The following LRRC7 variants were observed in gnomAD, a reference collection of about 807,000 sequenced individuals.
LRRC7 encodes the protein leucine-rich repeat-containing protein 7.
LRRC7 carries 23 observed loss-of-function variants against 175.7 expected under a neutral mutation model. The observed-to-expected ratio is 0.13, with a 90% CI of 0.09 to 0.19. The LOEUF (loss-of-function observed/expected upper bound fraction) is 0.19, where lower values mean the gene tolerates loss of function less well. Ranked by LOEUF, LRRC7 falls within the 10% of genes least tolerant of loss-of-function variation. The pLI, the probability that LRRC7 is intolerant of heterozygous loss-of-function variation, is 1.00. For synonymous variants in LRRC7, 685 were observed against 680.9 expected (o/e 1.01, Z -0.09); for missense variants, 1,354 against 1,904.7 (o/e 0.71, Z 5.38).
intron 7 of LRRC7, among the ~76,000 whole-genome samples, chr1:69,892,872 G>A (rs1645877191): frequency 6.6e-6 from 1 of 152,104 alleles, no homozygotes; most frequent in Non-Finnish European, 1.5e-5. Flanking sequence ...CAACTTGACT[G>A]TTTTGCCTAC....
intron 2 of LRRC7, among the ~76,000 whole-genome samples, chr1:69,717,632 G>A (rs1168407940): frequency 3.3e-5 from 5 of 151,192 alleles, no homozygotes; most frequent in Admixed American, 1.3e-4. Flanking sequence ...AGTTCAGTTG[G>A]GCCAACTTCA....
At chr1:69,577,651 G>A (rs761262533) in intron 1 of LRRC7, among the ~76,000 whole-genome samples, 1 of 152,020 alleles carries the variant, frequency 6.6e-6, no homozygotes, top group African/African-American at 2.4e-5. Flanking sequence ...TTTCCCCATT[G>A]CTTGTTTTTC....
chr1:69,928,014 C>A (rs897723726), intron 7 of LRRC7, among the ~76,000 whole-genome samples: 1 of 152,074 alleles, frequency 6.6e-6, no homozygotes, highest in African/African-American at 2.4e-5. Context: ...CTTTGTTTTC[C>A]TTCTACCAGA....
intron 2 of LRRC7, among the ~76,000 whole-genome samples, chr1:69,758,825 G>A (rs1345157034): frequency 1.3e-5 from 2 of 151,848 alleles, no homozygotes; most frequent in Non-Finnish European, 2.9e-5. Context: ...CTTAACATGA[G>A]CAATTTTAAA....
chr1:69,953,028 T>G (rs1388267357), intron 8 of LRRC7, among the ~76,000 whole-genome samples: 2 of 150,966 alleles, frequency 1.3e-5, no homozygotes, highest in African/African-American at 4.9e-5. Context: ...AAGTATATAT[T>G]GTCAAATGAG....
chr1:69,952,943 A>G (rs1224579536), intron 8 of LRRC7, among the ~76,000 whole-genome samples: 1 of 151,126 alleles, frequency 6.6e-6, no homozygotes, highest in Admixed American at 6.6e-5. Flanking sequence ...CTTATAAAGA[A>G]ATGTGAAGCC....
At chr1:69,908,052 G>T (rs1266407701) in intron 7 of LRRC7, among the ~76,000 whole-genome samples, 2 of 152,140 alleles carry the variant, frequency 1.3e-5, no homozygotes, top group African/African-American at 4.8e-5. Flanking sequence ...TTTGCATGGA[G>T]GTGTTTGTAG....
chr1:70,036,386 C>A, intron 19 of LRRC7, 58 bp from the exon 20 acceptor site: 1 of 1,520,482 alleles, frequency 6.6e-7, no homozygotes, highest in Non-Finnish European at 8.9e-7. Flanking sequence ...TTCATACTTG[C>A]TTTTCCGTGT....
rs1381449549 is a variant in LRRC7, at chr1:69,883,203, T to G, written c.647+44920T>G. 2.5e-3 allele frequency among the ~76,000 whole-genome samples: 376 copies of G among 151,436 alleles called. 1 individual carries two copies. The highest frequency in any genetic ancestry group is 4.3e-3 in the Non-Finnish European group (292 of 67,808). Reference sequence around the variant, plus strand: ...GGAATCACCACACTGACTTCCACAATGGTTGAACTAGTTTACAGTCCCACC... The same window carrying G: ...GGAATCACCACACTGACTTCCACAAGGGTTGAACTAGTTTACAGTCCCACC... On this transcript the variant is annotated intron_variant, in intron 7 of 26. Transcript: ENST00000651989.
chr1:70,042,424 T>C (rs1659988813), intron 21 of LRRC7, among the ~76,000 whole-genome samples: 1 of 152,238 alleles, frequency 6.6e-6, no homozygotes, highest in African/African-American at 2.4e-5. Flanking sequence ...ACAAGATCTC[T>C]GTCCATTCTA....
intron 7 of LRRC7, among the ~76,000 whole-genome samples, chr1:69,879,352 A>T (rs577063295): frequency 6.6e-6 from 1 of 152,226 alleles, no homozygotes; most frequent in East Asian, 1.9e-4. Flanking sequence ...GCCTAATGTC[A>T]TGACTGGCCT....
chr1:70,134,095 A>T lies in LRRC7; in HGVS notation c.*12208A>T, dbSNP rs1274183679. ...AAACGCCTAATTTTTCATTTTATTT[A>T]TGTGTATGAGTAATCAGCATAATAT... On this transcript the variant is annotated 3_prime_UTR_variant, in exon 27 of 27. Transcript: ENST00000651989. Among the ~76,000 whole-genome samples, 1 of 152,310 alleles carries T rather than the reference A, an allele frequency of 6.6e-6. No homozygotes were observed. The highest frequency in any genetic ancestry group is 1.5e-5 in the Non-Finnish European group (1 of 68,016).
At chr1:69,918,869 G>A (rs1646797225) in intron 7 of LRRC7, among the ~76,000 whole-genome samples, 3 of 152,124 alleles carry the variant, frequency 2.0e-5, no homozygotes, top group Admixed American at 2.0e-4. Context: ...AAACCCTATG[G>A]GACAGCTTTT....
chr1:69,622,898 T>C (rs1181011728), intron 1 of LRRC7, among the ~76,000 whole-genome samples: 1 of 152,162 alleles, frequency 6.6e-6, no homozygotes, highest in African/African-American at 2.4e-5. Context: ...ACCTGTCTAT[T>C]TGAGGTGGCT....
chr1:70,106,035 A>G (rs774805649), intron 25 of LRRC7, among the ~76,000 whole-genome samples: 2 of 152,188 alleles, frequency 1.3e-5, no homozygotes, highest in Non-Finnish European at 2.9e-5. Flanking sequence ...TATGAGCTTA[A>G]GTGAGTCATT....
At chr1:69,919,375 C>A in intron 7 of LRRC7, 1 of 616,246 alleles carries the variant, frequency 1.6e-6, no homozygotes, top group Admixed American at 2.7e-5. Context: ...CGAGGAGAAA[C>A]TGCCGCCTGG....
chr1:69,896,840 C>G (rs1379336989), intron 7 of LRRC7, among the ~76,000 whole-genome samples: 1 of 152,058 alleles, frequency 6.6e-6, no homozygotes. Flanking sequence ...TCCATGGACC[C>G]TTAGATGAAT....
At chr1:69,957,990 A>C (rs1650673957) in intron 8 of LRRC7, among the ~76,000 whole-genome samples, 1 of 151,978 alleles carries the variant, frequency 6.6e-6, no homozygotes, top group Admixed American at 6.6e-5. Flanking sequence ...ATGTATTTTC[A>C]ACATTTCAAA....
intron 1 of LRRC7, among the ~76,000 whole-genome samples, chr1:69,642,876 A>C (rs1654447573): frequency 1.3e-5 from 2 of 151,816 alleles, no homozygotes. Flanking sequence ...TGATTGGAAG[A>C]GATTTATTGT....
Sources: allele counts gnomAD v4.1 joint callset (sites outside exome capture counted in the v4.1 genomes callset), GRCh38; gene constraint gnomAD v4.1.1; transcripts MANE v1.5; gene names NCBI Gene and HGNC (gene_info 2026-07-23, HGNC 2026-07-21).